BAG6: variants seen among roughly 807,000 people sequenced by gnomAD.
BAG6 encodes large proline-rich protein BAG6.
Under a neutral mutation model 121.0 loss-of-function variants are expected in BAG6, and 22 were observed. The observed-to-expected ratio is 0.18, with a 90% CI of 0.13 to 0.26. BAG6 has a LOEUF of 0.26. Among genes scored for constraint, BAG6 ranks in the 10% least tolerant of loss-of-function variants. The pLI, the probability that BAG6 is intolerant of heterozygous loss-of-function variation, is 1.00. For synonymous variants in BAG6, 583 were observed against 584.6 expected, an observed-to-expected ratio of 1.00 and a Z score of 0.04; for missense variants, 1,233 against 1,537.7, an observed-to-expected ratio of 0.80 and a Z score of 3.31.
At position 31,644,686 on chromosome 6, in the gene BAG6, G is replaced by A; in HGVS notation, c.1370-84C>T. On this transcript the variant is annotated intron_variant, in intron 10 of 25. Coordinates refer to ENST00000676615, the MANE Select transcript of BAG6 (RefSeq NM_001387994.1). The surrounding 1 kb of genome is among the most constrained non-coding windows in gnomAD (Gnocchi z 4.9). Reference sequence around the variant, plus strand: ...TCCTTCTGAGATCAGGCATACTTCAGGCCCATAATCCCCCAATCAGAAAGC... The same window carrying A: ...TCCTTCTGAGATCAGGCATACTTCAAGCCCATAATCCCCCAATCAGAAAGC... 7.0e-7 allele frequency: 1 copy of A among 1,425,856 alleles called. No homozygotes were observed. 88.3% of individuals were successfully genotyped at this position (1,425,856 alleles called of 1,614,324 possible). A position where few individuals can be genotyped will look rare whatever the true frequency, so the allele number is the denominator to read the frequency against.
chr6:31,640,923 C>A lies in BAG6; in HGVS notation c.2803G>T (p.Gly935Trp). The A allele has an allele frequency of 6.2e-7, 1 of 1,612,758 alleles. No homozygotes were observed. Among genetic ancestry groups the A allele is most frequent in the Non-Finnish European group, 8.5e-7 (1 of 1,179,944 alleles). ...INGRIRRMSRGVNPSLVSWLT... is the reference protein window; with the variant it reads ...INGRIRRMSRWVNPSLVSWLT... The stretch of plus-strand genomic sequence containing the variant: ...CAGCTCACCAAGGAGGGATTCACCC[C>A]ACGAGACATACGACGCTGAGGGACA... The change falls in exon 21 of 26, where the codon GGG (glycine) becomes TGG (tryptophan). Residue 935 changes from glycine (G) to tryptophan (W), a missense_variant. Physicochemically the swap from Gly to Trp is radical, Grantham distance 184 (BLOSUM62 -2). Coordinates refer to ENST00000676615, the MANE Select transcript of BAG6 (RefSeq NM_001387994.1). The surrounding 1 kb of genome is among the most constrained non-coding windows in gnomAD (Gnocchi z 4.2).
At chr6:31,651,013 T>C (rs958137024) in intron 2 of BAG6, among the ~76,000 whole-genome samples, 1 of 152,238 alleles carries the variant, frequency 6.6e-6, no homozygotes. Context: ...CCAATGTCTA[T>C]CAGTAAGACA....
chr6:31,648,854 C>T, intron 5 of BAG6, 57 bp downstream of exon 5: 1 of 1,572,296 alleles, frequency 6.4e-7, no homozygotes, highest in South Asian at 1.2e-5. Flanking sequence ...GTCCACCCCA[C>T]CTCCCAGCCT....
chr6:31,649,400 AG>A lies in BAG6; in HGVS notation c.227-6del, dbSNP rs1793821923. The A allele has an allele frequency of 2.5e-6, 4 of 1,602,976 alleles. No individual in the cohort carries two copies. The South Asian group carries it at 4.5e-5, about 18-fold the overall frequency. On this transcript the variant is annotated splice_region_variant and splice_polypyrimidine_tract_variant and intron_variant, in intron 3 of 25. Transcript: ENST00000676615. ...GGATAACCTTTCCCCCAACATCTGC[AG>A]AAAAATAGACACACACCAAAACATA...
At position 31,643,908 on chromosome 6, in the gene BAG6, T is replaced by G; in HGVS notation, c.1738A>C (p.Met580Leu). Residue 580 changes from methionine (M) to leucine (L), a missense_variant, in exon 14 of 26, where the codon ATG becomes CTG. Coordinates refer to ENST00000676615, the MANE Select transcript of BAG6 (RefSeq NM_001387994.1). ...AACTCACCCACAAGGACTGGCTGCA[T>G]AAGAAGCTGCCCCACAAGGCCGCTC... ...MVSGLVGQLL[M>L]QPVLVAQGTP... The G allele has an allele frequency of 6.2e-7, 1 of 1,613,186 alleles. No individual in the cohort carries two copies. Among genetic ancestry groups the G allele is most frequent in the African/African-American group, 1.3e-5 (1 of 74,968 alleles).
intron 6 of BAG6, 106 bp downstream of exon 6, chr6:31,648,571 T>C (rs1304135760): frequency 1.6e-5 from 18 of 1,105,748 alleles, no homozygotes; most frequent in Non-Finnish European, 2.4e-5. Context: ...GACTAGATTA[T>C]GAAGGCCAAA....
chr6:31,640,956 G>A lies in BAG6; in HGVS notation c.2788-18C>T, dbSNP rs775669218. 6 of 1,609,160 alleles carry A rather than the reference G, an allele frequency of 3.7e-6. No individual in the cohort carries two copies. Among genetic ancestry groups the A allele is most frequent in the Non-Finnish European group, 5.1e-6 (6 of 1,177,578 alleles). On this transcript the variant is annotated intron_variant, in intron 20 of 25. Transcript: ENST00000676615. The surrounding 1 kb of genome is among the most constrained non-coding windows in gnomAD (Gnocchi z 4.2). ...ATACGACGCTGAGGGACAGAAAGCA[G>A]ATTTAGAACACAAAACCCTCAACCA... is the stretch of plus-strand genomic sequence containing the variant.
rs1783009939 is a variant in BAG6 at position 31,641,732 on chromosome 6, A to AT, written c.2505+43dup. ...GAAGCAGTCAGAAATAAGGAATAAA[A>AT]TGTGCAAAAGAGGAGAGTTCTGGGG... On this transcript the variant is annotated intron_variant, in intron 17 of 25. Transcript: ENST00000676615. This position sits in a 1 kb window ranked among gnomAD's most constrained non-coding sequence, Gnocchi z 5.7. 1 of 1,612,138 alleles carries AT rather than the reference A, an allele frequency of 6.2e-7. No homozygotes were observed.
chr6:31,640,065 GA>G lies in BAG6; in HGVS notation c.3246+133del, dbSNP rs748342142. 10 of 883,024 alleles carry G rather than the reference GA, an allele frequency of 1.1e-5. No homozygotes were observed. The highest frequency in any genetic ancestry group is 7.9e-5 in the East Asian group (3 of 37,912). The allele number at this position is 883,024 out of a possible 1,614,324, so 54.7% of individuals were successfully genotyped here. A position where few individuals can be genotyped will look rare whatever the true frequency, so the allele number is the denominator to read the frequency against. ...CAACCAAGAGCAAGTCTGAATCCCA[GA>G]AAAAGTTTCCTCATTAAACGAGGGG... On this transcript the variant is annotated intron_variant, in intron 24 of 25. Coordinates refer to ENST00000676615, the MANE Select transcript of BAG6 (RefSeq NM_001387994.1). This position sits in a 1 kb window ranked among gnomAD's most constrained non-coding sequence, Gnocchi z 4.2.
In BAG6 at chr6:31,642,993, T is replaced by G. The variant is rs1409659200; in HGVS notation, c.1879A>C (p.Thr627Pro). ...APGGPAQPPP[T>P]PQPSMADLQF... ...AGATCAGCCATGGAGGGTTGAGGGG[T>G]GGGTGGAGGCTGGGCAGGCCCCCCA... The change falls in exon 15 of 26, where the codon ACC becomes CCC. Residue 627 changes from threonine to proline, a missense_variant. Thr to Pro is a conservative substitution (Grantham distance 38). This residue lies in a region of BAG6 where 777 missense variants were observed against 861.4 expected (regional missense o/e 0.90). Coordinates refer to ENST00000676615, the MANE Select transcript of BAG6 (RefSeq NM_001387994.1). 2 of 1,595,286 alleles carry G rather than the reference T, an allele frequency of 1.3e-6. No individual in the cohort carries two copies. Among genetic ancestry groups the G allele is most frequent in the Admixed American group, 3.6e-5 (2 of 56,002 alleles).
In BAG6 at chr6:31,640,151, C is replaced by T. The variant is rs761159946; in HGVS notation, c.3246+48G>A. On this transcript the variant is annotated intron_variant, in intron 24 of 25. Transcript: ENST00000676615. The surrounding 1 kb of genome is among the most constrained non-coding windows in gnomAD (Gnocchi z 4.2). ...CTACATAGTTTGATTCCAGGCATGA[C>T]GGGGAAACCTGGATAGAGAGAGAGG... 8.3e-6 allele frequency: 13 copies of T among 1,573,656 alleles called. No homozygotes were observed. Among genetic ancestry groups the T allele is most frequent in the East Asian group, 2.2e-5 (1 of 44,658 alleles).
intron 1 of BAG6, 79 bp downstream of exon 1, chr6:31,652,345 A>ACACACACC (rs1798095904): frequency 6.6e-6 from 1 of 151,722 alleles, no homozygotes; most frequent in Non-Finnish European, 1.5e-5. Context: ...ACACACACAC[A>ACACACACC]CACACACACA....
chr6:31,640,990 A>T lies in BAG6; in HGVS notation c.2788-52T>A, dbSNP rs939648411. The T allele has an allele frequency of 1.2e-6, 2 of 1,603,386 alleles. No homozygotes were observed. The highest frequency in any genetic ancestry group is 1.1e-5 in the South Asian group (1 of 90,224). ...CACAAAACCCTCAACCACCTTTAGAAATAGATTAGATCCAGGTTACAGAAT... is the reference window on the plus strand; with the variant it reads ...CACAAAACCCTCAACCACCTTTAGATATAGATTAGATCCAGGTTACAGAAT... On this transcript the variant is annotated intron_variant, in intron 20 of 25. Coordinates refer to ENST00000676615, the MANE Select transcript of BAG6 (RefSeq NM_001387994.1). The surrounding 1 kb of genome is among the most constrained non-coding windows in gnomAD (Gnocchi z 4.2).
chr6:31,646,287 T>C, intron 8 of BAG6, 107 bp downstream of exon 8: 2 of 1,483,124 alleles, frequency 1.3e-6, no homozygotes, highest in Non-Finnish European at 9.1e-7. Flanking sequence ...CACCTGGCCC[T>C]GTTGCAATGT....
intron 2 of BAG6, 46 bp from the exon 3 acceptor site, chr6:31,649,673 A>T: frequency 1.3e-6 from 2 of 1,549,482 alleles, no homozygotes; most frequent in Non-Finnish European, 1.8e-6. Flanking sequence ...TGGAGGAAAG[A>T]GGAAGAACAA....
chr6:31,651,863 T>G, intron 1 of BAG6, 87 bp from the exon 2 acceptor site: 1 of 960,756 alleles, frequency 1.0e-6, no homozygotes, highest in Non-Finnish European at 1.7e-6. Context: ...CCTGCCCCAA[T>G]ACCTAAAAAG....
At position 31,640,602 on chromosome 6, in the gene BAG6, C is replaced by G. The variant is rs571034890; in HGVS notation, c.2994+43G>C. ...CAAACCTTTCTCCCCCAGCCCTCCACTCCACATTATCTGGCCCCTCAACCT... is the reference window on the plus strand; with the variant it reads ...CAAACCTTTCTCCCCCAGCCCTCCAGTCCACATTATCTGGCCCCTCAACCT... On this transcript the variant is annotated intron_variant, in intron 22 of 25. Coordinates refer to ENST00000676615, the MANE Select transcript of BAG6 (RefSeq NM_001387994.1). This position sits in a 1 kb window ranked among gnomAD's most constrained non-coding sequence, Gnocchi z 4.2. 1 of 1,612,856 alleles carries G rather than the reference C, an allele frequency of 6.2e-7. No homozygotes were observed. The highest frequency in any genetic ancestry group is 1.3e-5 in the African/African-American group (1 of 75,040).
At chr6:31,652,031 G>A in intron 1 of BAG6, 3 of 422,998 alleles carry the variant, frequency 7.1e-6, no homozygotes, top group South Asian at 7.1e-5. Flanking sequence ...TAAGCAGGGA[G>A]CCAGTCAGAT....
Position 31,642,877 on chromosome 6 carries a change from C to T in BAG6, c.1995G>A (p.Ala665=), listed in dbSNP as rs774853756. The T allele has an allele frequency of 1.2e-5, 20 of 1,612,242 alleles. No homozygotes were observed. Among genetic ancestry groups the T allele is most frequent in the Non-Finnish European group, 1.7e-5 (20 of 1,179,416 alleles). Reference sequence around the variant, plus strand: ...GGAGAAAGGCAGGGACACCAGGCATCGCCACAGTGATGGTGGGAGAAGCCA... The same window carrying T: ...GGAGAAAGGCAGGGACACCAGGCATTGCCACAGTGATGGTGGGAGAAGCCA... ...SGVASPTITV[A]MPGVPAFLQG... Residue 665 remains alanine (A), a synonymous_variant, in exon 15 of 26, where the codon GCG becomes GCA. Coordinates refer to ENST00000676615, the MANE Select transcript of BAG6 (RefSeq NM_001387994.1).
Sources: gnomAD v4.1 joint callset for allele counts (sites outside exome capture counted in the v4.1 genomes callset) on GRCh38, gnomAD v4.1.1 for gene constraint, gnomAD v4.1.1 regional missense constraint, Gnocchi (gnomAD v3.1) non-coding constraint, MANE v1.5 for transcripts, NCBI Gene and HGNC (gene_info 2026-07-23, HGNC 2026-07-21) for gene names.